The following AGAP4 variants were observed in gnomAD, a reference collection of about 807,000 sequenced individuals.
AGAP4 encodes the protein ArfGAP with GTPase domain, ankyrin repeat and PH domain 4, also known as arf-GAP with GTPase, ANK repeat and PH domain-containing protein 4.
In AGAP4, 13 loss-of-function variants were observed where a neutral mutation model predicts 60.7. The ratio of observed to expected loss-of-function variants is 0.21; its 90% CI spans 0.14 to 0.34. The LOEUF is 0.34. Among genes scored for constraint, AGAP4 ranks in the 10% least tolerant of loss-of-function variants. The pLI is 1.00. For synonymous variants in AGAP4, 70 were observed against 339.0 expected, an observed-to-expected ratio of 0.21 and a Z score of 8.72; for missense variants, 169 against 884.0, an observed-to-expected ratio of 0.19 and a Z score of 10.26.
At chr10:45,853,263 G>T (rs1275361753) in intron 1 of AGAP4, among the ~76,000 whole-genome samples, 1 of 150,798 alleles carries the variant, frequency 6.6e-6, no homozygotes, top group Non-Finnish European at 1.5e-5. Flanking sequence ...TTTTTCATGG[G>T]AGTTTCTTCA....
In AGAP4 at chr10:45,844,200, A is replaced by C. The variant is rs1416867790; in HGVS notation, c.361+126T>G. On this transcript the variant is annotated intron_variant, in intron 3 of 7. Coordinates refer to ENST00000616763, the MANE Select transcript of AGAP4 (RefSeq NM_001276343.3). ...GGAAAGTATATCACATATTAAAATAAGACAAGGGAACATGTGAAAAGATGA... is the reference window on the plus strand; with the variant it reads ...GGAAAGTATATCACATATTAAAATACGACAAGGGAACATGTGAAAAGATGA... 6.2e-6 allele frequency: 5 copies of C among 812,910 alleles called. No homozygotes were observed. In the East Asian group the frequency reaches 7.9e-5, roughly 13 times the overall value. 50.4% of individuals were successfully genotyped at this position (812,910 alleles called of 1,614,324 possible). A position where few individuals can be genotyped will look rare whatever the true frequency, so the allele number is the denominator to read the frequency against.
intron 4 of AGAP4, among the ~76,000 whole-genome samples, chr10:45,841,137 C>T (rs1283971402): frequency 2.2e-5 from 2 of 90,496 alleles, no homozygotes; most frequent in Admixed American, 1.9e-4. Context: ...GAGTTTTGCT[C>T]TGTCGTCCAG....
intron 4 of AGAP4, among the ~76,000 whole-genome samples, chr10:45,834,657 A>G (rs1289919681): frequency 1.3e-5 from 1 of 77,428 alleles, no homozygotes; most frequent in Non-Finnish European, 2.4e-5. Context: ...GCCGGCAGAC[A>G]AAGTGAGACT....
intron 4 of AGAP4, among the ~76,000 whole-genome samples, chr10:45,840,072 C>A (rs2058892737): frequency 6.7e-6 from 1 of 149,584 alleles, no homozygotes; most frequent in African/African-American, 2.5e-5. Flanking sequence ...AAGAGATAGT[C>A]TGCAGGTTTA....
intron 4 of AGAP4, among the ~76,000 whole-genome samples, chr10:45,840,021 G>A (rs1470142928): frequency 2.0e-5 from 3 of 150,052 alleles, no homozygotes; most frequent in Non-Finnish European, 4.4e-5. Context: ...AAGACTATCA[G>A]TAAAAAAGTA....
intron 3 of AGAP4, 138 bp from the exon 4 acceptor site, chr10:45,841,825 A>G: frequency 2.2e-6 from 2 of 904,838 alleles, no homozygotes; most frequent in Non-Finnish European, 3.1e-6. Flanking sequence ...ATAACATATA[A>G]TTTAAATTAT....
At position 45,832,306 on chromosome 10, in the gene AGAP4, G is replaced by A. The variant is rs1433622717; in HGVS notation, c.498-877C>T. Among the ~76,000 whole-genome samples, 325 of 147,974 alleles carry A rather than the reference G, an allele frequency of 2.2e-3. 18 individuals carry two copies. Among genetic ancestry groups the A allele is most frequent in the Non-Finnish European group, 3.3e-3 (223 of 66,570 alleles). On this transcript the variant is annotated intron_variant, in intron 5 of 7. Transcript: ENST00000616763. ...TTATGTGACATTTAATTCAACACTC[G>A]TTTTACAGATCAGGGAAACAGACCT...
upstream of AGAP4, among the ~76,000 whole-genome samples, chr10:45,848,679 T>G (rs1470135546): frequency 1.2e-4 from 18 of 152,206 alleles, no homozygotes; most frequent in East Asian, 3.9e-4. Context: ...TTAAGCATGA[T>G]TATCAGAAAG....
At position 45,847,480 on chromosome 10, in the gene AGAP4, G is replaced by T; in HGVS notation, c.-133C>A. The T allele has an allele frequency of 2.6e-6, 4 of 1,529,940 alleles. No homozygotes were observed. The South Asian group carries it at 4.8e-5, about 18-fold the overall frequency. The allele number at this position is 1,529,940 out of a possible 1,614,324, so 94.8% of individuals were successfully genotyped here. Reference sequence around the variant, plus strand: ...CCGCTCCTCGCCTGCCCACCTCACAGCGCGGCCCCGGGCACCAGCCCTGGC... The same window carrying T: ...CCGCTCCTCGCCTGCCCACCTCACATCGCGGCCCCGGGCACCAGCCCTGGC... On this transcript the variant is annotated 5_prime_UTR_variant, in exon 1 of 8. The change creates a new upstream start codon in the 5' untranslated region. Coordinates refer to ENST00000616763, the MANE Select transcript of AGAP4 (RefSeq NM_001276343.3).
chr10:45,831,939 C>T (rs1424571565), intron 5 of AGAP4, among the ~76,000 whole-genome samples: 4 of 147,352 alleles, frequency 2.7e-5, no homozygotes, highest in Non-Finnish European at 4.5e-5. Context: ...GATGGAGTTT[C>T]GCTCTTGTTG....
At position 45,832,276 on chromosome 10, in the gene AGAP4, T is replaced by C. The variant is rs1436077708; in HGVS notation, c.498-847A>G. 5.4e-4 allele frequency among the ~76,000 whole-genome samples: 79 copies of C among 146,384 alleles called. 1 individual carries two copies. The highest frequency in any genetic ancestry group is 1.7e-3 in the African/African-American group (69 of 39,784). ...AAAGTTACATGCTGGAAAGGACCAA[T>C]GACCTTATGTGACATTTAATTCAAC... is the stretch of plus-strand genomic sequence containing the variant. On this transcript the variant is annotated intron_variant, in intron 5 of 7. Transcript: ENST00000616763.
At chr10:45,835,073 C>G (rs1470610440) in intron 4 of AGAP4, among the ~76,000 whole-genome samples, 1 of 145,320 alleles carries the variant, frequency 6.9e-6, no homozygotes, top group Non-Finnish European at 1.5e-5. Flanking sequence ...GCGCCCAGCC[C>G]TTCTATTATT....
upstream of AGAP4, chr10:45,854,660 A>G (rs1554900863): frequency 1.5e-5 from 2 of 135,050 alleles, no homozygotes. Flanking sequence ...AAAAAAAAAG[A>G]GAGAAAAAGA....
At chr10:45,839,693 AG>A (rs1243412860) in intron 4 of AGAP4, among the ~76,000 whole-genome samples, 4 of 114,386 alleles carry the variant, frequency 3.5e-5, no homozygotes, top group African/African-American at 1.4e-4. Context: ...CCTCACACTG[AG>A]TGCTATCAGT....
At chr10:45,850,638 G>A (rs1454866880), upstream of AGAP4, among the ~76,000 whole-genome samples, 6 of 152,242 alleles carry the variant, frequency 3.9e-5, no homozygotes, top group African/African-American at 7.2e-5. Flanking sequence ...TGACAAAAGC[G>A]GAGGAAAAAG....
At chr10:45,853,929 G>T (rs1378962259), upstream of AGAP4, 14 of 1,179,092 alleles carry the variant, frequency 1.2e-5, no homozygotes, top group South Asian at 2.3e-4. Flanking sequence ...TATCACGTAA[G>T]TTCATTCATA....
At chr10:45,839,378 GC>G (rs2058881082) in intron 4 of AGAP4, among the ~76,000 whole-genome samples, 1 of 113,806 alleles carries the variant, frequency 8.8e-6, no homozygotes, top group Admixed American at 8.9e-5. Flanking sequence ...TCTAACTAGA[GC>G]CCCAAGTCCA....
chr10:45,851,091 A>G (rs1203961976), upstream of AGAP4, among the ~76,000 whole-genome samples: 1 of 151,764 alleles, frequency 6.6e-6, no homozygotes, highest in Non-Finnish European at 1.5e-5. Context: ...AAGCTAATAC[A>G]TGAAAAAAAA....
At chr10:45,851,713 A>C (rs1340001087), upstream of AGAP4, among the ~76,000 whole-genome samples, 37 of 151,192 alleles carry the variant, frequency 2.4e-4, no homozygotes, top group Non-Finnish European at 4.7e-4. Flanking sequence ...CAGAGAAAAC[A>C]CATTTTTGAG....
Sources: gnomAD v4.1 joint callset for allele counts (sites outside exome capture counted in the v4.1 genomes callset) on GRCh38, gnomAD v4.1.1 for gene constraint, MANE v1.5 for transcripts, NCBI Gene and HGNC (gene_info 2026-07-23, HGNC 2026-07-21) for gene names.